The following ADAMTSL1 variants were observed in gnomAD, a reference collection of about 807,000 sequenced individuals.
ADAMTSL1 encodes the protein ADAMTS-like protein 1.
A neutral mutation model predicts 201.8 loss-of-function variants in ADAMTSL1; 126 were observed. The observed-to-expected ratio is 0.62, with a 90% CI of 0.54 to 0.72. ADAMTSL1 has a LOEUF of 0.72. Among genes scored for constraint, ADAMTSL1 ranks in the 30% least tolerant of loss-of-function variants. The pLI, the probability that ADAMTSL1 is intolerant of heterozygous loss-of-function variation, is 0.00. For missense variants in ADAMTSL1, 2,679 were observed against 2,277.8 expected, an observed-to-expected ratio of 1.18 and a Z score of -3.59; for synonymous variants, 1,121 against 903.4, an observed-to-expected ratio of 1.24 and a Z score of -4.32.
chr9:18,814,997 C>A (rs996440147), intron 20 of ADAMTSL1, among the ~76,000 whole-genome samples: 1 of 152,020 alleles, frequency 6.6e-6, no homozygotes, highest in Non-Finnish European at 1.5e-5. Flanking sequence ...TAAACCAAAA[C>A]CAAAATGTGA....
intron 1 of ADAMTSL1, among the ~76,000 whole-genome samples, chr9:18,088,291 C>A (rs1256223555): frequency 6.6e-6 from 1 of 152,096 alleles, no homozygotes; most frequent in Non-Finnish European, 1.5e-5. Flanking sequence ...ACTGAAAAAT[C>A]TGTAGAAGAA....
intron 19 of ADAMTSL1, among the ~76,000 whole-genome samples, chr9:18,790,645 T>C (rs1821974925): frequency 6.6e-6 from 1 of 152,174 alleles, no homozygotes; most frequent in Non-Finnish European, 1.5e-5. Context: ...TTTTTACTTC[T>C]GTACTAAAAC....
At chr9:18,231,697 AC>A (rs1459882423) in intron 2 of ADAMTSL1, among the ~76,000 whole-genome samples, 1 of 152,196 alleles carries the variant, frequency 6.6e-6, no homozygotes, top group Non-Finnish European at 1.5e-5. Context: ...TGATAGCTCC[AC>A]TTGGATGTCT....
chr9:17,980,719 G>A (rs920582630), intron 1 of ADAMTSL1, among the ~76,000 whole-genome samples: 1 of 152,106 alleles, frequency 6.6e-6, no homozygotes, highest in African/African-American at 2.4e-5. Flanking sequence ...TTGGCCATAT[G>A]AGAATACTGT....
intron 2 of ADAMTSL1, among the ~76,000 whole-genome samples, chr9:18,384,209 G>A (rs1002343610): frequency 6.6e-6 from 1 of 152,104 alleles, no homozygotes; most frequent in Admixed American, 6.6e-5. Context: ...AGTCATGTTG[G>A]AGGGCAAAGG....
At chr9:18,742,794 A>T (rs1030896694) in intron 15 of ADAMTSL1, among the ~76,000 whole-genome samples, 2 of 152,206 alleles carry the variant, frequency 1.3e-5, no homozygotes, top group Non-Finnish European at 2.9e-5. Flanking sequence ...TAATGTGAAG[A>T]TGCTAATCAG....
intron 2 of ADAMTSL1, among the ~76,000 whole-genome samples, chr9:18,283,691 T>C: frequency 7.0e-6 from 1 of 141,996 alleles, no homozygotes; most frequent in Non-Finnish European, 1.5e-5. Flanking sequence ...GGCAGGCAGA[T>C]CACGAGGTCA....
intron 9 of ADAMTSL1, among the ~76,000 whole-genome samples, chr9:18,666,815 C>T (rs998601259): frequency 6.6e-6 from 1 of 152,096 alleles, no homozygotes; most frequent in Non-Finnish European, 1.5e-5. Flanking sequence ...TTCAAAGCAG[C>T]TTTAGATGTA....
At chr9:18,228,812 A>C (rs1830529441) in intron 2 of ADAMTSL1, among the ~76,000 whole-genome samples, 1 of 151,792 alleles carries the variant, frequency 6.6e-6, no homozygotes, top group African/African-American at 2.4e-5. Flanking sequence ...TACAGATGAG[A>C]ATGCTGTGAT....
intron 28 of ADAMTSL1, chr9:18,908,226 C>G: frequency 1.8e-6 from 1 of 567,374 alleles, no homozygotes; most frequent in South Asian, 2.0e-5. Flanking sequence ...TTCAGCCAGA[C>G]AGCTGCAGGC....
At chr9:18,547,270 C>T (rs537633493) in intron 3 of ADAMTSL1, among the ~76,000 whole-genome samples, 2 of 152,136 alleles carry the variant, frequency 1.3e-5, no homozygotes, top group East Asian at 3.9e-4. Flanking sequence ...CAGAAGAGCT[C>T]AGAGGACATC....
chr9:18,080,963 T>A (rs966861943), intron 1 of ADAMTSL1, among the ~76,000 whole-genome samples: 2 of 152,242 alleles, frequency 1.3e-5, no homozygotes, highest in Non-Finnish European at 2.9e-5. Flanking sequence ...CATTTGTGAG[T>A]CAACTTTTAA....
intron 1 of ADAMTSL1, among the ~76,000 whole-genome samples, chr9:18,040,605 T>C (rs959138495): frequency 6.6e-6 from 1 of 152,216 alleles, no homozygotes; most frequent in East Asian, 1.9e-4. Flanking sequence ...ACTGCTATAG[T>C]GAATTTGTCA....
chr9:18,590,638 G>C (rs1823849354), intron 4 of ADAMTSL1, among the ~76,000 whole-genome samples: 1 of 151,346 alleles, frequency 6.6e-6, no homozygotes. Context: ...ATATTGTTTT[G>C]ATATAAGCAT....
At chr9:18,343,842 G>T (rs960819627) in intron 2 of ADAMTSL1, among the ~76,000 whole-genome samples, 1 of 152,006 alleles carries the variant, frequency 6.6e-6, no homozygotes, top group African/African-American at 2.4e-5. Context: ...TCTACAGCAG[G>T]TACTCCATGC....
chr9:17,953,830 G>T (rs187257312), intron 1 of ADAMTSL1, among the ~76,000 whole-genome samples: 1 of 152,174 alleles, frequency 6.6e-6, no homozygotes. Context: ...TTGATTTTGT[G>T]TGTGAGGAGT....
chr9:18,688,244 C>T (rs986633250), intron 13 of ADAMTSL1, among the ~76,000 whole-genome samples: 1 of 151,758 alleles, frequency 6.6e-6, no homozygotes, highest in Non-Finnish European at 1.5e-5. Context: ...ATGCCTCAGC[C>T]TCCCGCATAG....
chr9:18,521,571 G>A (rs1366100078), intron 2 of ADAMTSL1, among the ~76,000 whole-genome samples: 2 of 151,990 alleles, frequency 1.3e-5, no homozygotes, highest in African/African-American at 2.4e-5. Flanking sequence ...ACTGGAACAT[G>A]TCTAATTGTT....
At chr9:18,431,732 T>C (rs10963603) in intron 2 of ADAMTSL1, among the ~76,000 whole-genome samples, 35,010 of 151,968 alleles carry the variant, frequency 0.23, 4,347 homozygotes, top group East Asian at 0.45. Context: ...AACAGCCCCA[T>C]TCTCCTAACT....
Sources: allele counts gnomAD v4.1 joint callset (sites outside exome capture counted in the v4.1 genomes callset), GRCh38; gene constraint gnomAD v4.1.1; transcripts MANE v1.5; gene names NCBI Gene and HGNC (gene_info 2026-07-23, HGNC 2026-07-21).